The following ANO2 variants were observed in gnomAD, a reference collection of about 807,000 sequenced individuals.
ANO2 encodes the protein anoctamin 2, also known as anoctamin-2.
ANO2 carries 101 observed loss-of-function variants against 124.2 expected under a neutral mutation model. The observed-to-expected ratio is 0.81, with a 90% CI of 0.69 to 0.96. The LOEUF is 0.96. ANO2 is among the 40% of genes least tolerant of loss of function. ANO2 has a pLI of 0.00. For missense variants in ANO2, 1,293 were observed against 1,274.5 expected, an observed-to-expected ratio of 1.01 and a Z score of -0.22; for synonymous variants, 486 against 482.5, an observed-to-expected ratio of 1.01 and a Z score of -0.09.
intron 3 of ANO2, among the ~76,000 whole-genome samples, chr12:5,907,888 G>A (rs1402900028): frequency 2.0e-5 from 3 of 152,232 alleles, no homozygotes; most frequent in South Asian, 2.1e-4. Context: ...CAGTGGGGAA[G>A]GCAGCTCCCA....
chr12:5,715,098 T>C (rs986429232), intron 14 of ANO2, among the ~76,000 whole-genome samples: 1 of 152,132 alleles, frequency 6.6e-6, no homozygotes, highest in African/African-American at 2.4e-5. Flanking sequence ...TGTGTGTACA[T>C]GTTGTAAAGT....
Position 5,806,106 on chromosome 12 carries a change from A to G in ANO2, c.949-13T>C. On this transcript the variant is annotated splice_polypyrimidine_tract_variant and intron_variant, in intron 8 of 24. Coordinates refer to ENST00000682330, the MANE Select transcript of ANO2 (RefSeq NM_001364791.2). The stretch of plus-strand genomic sequence containing the variant: ...TATCGTATTCACCCTGTGGAGAAAA[A>G]GTGATGCTGGATAAAGCCAATGAAA... 3 of 1,612,620 alleles carry G rather than the reference A, an allele frequency of 1.9e-6. No individual in the cohort carries two copies. The South Asian group carries it at 3.3e-5, about 18-fold the overall frequency.
At chr12:5,935,167 T>G (rs1262566322) in intron 1 of ANO2, among the ~76,000 whole-genome samples, 1 of 152,220 alleles carries the variant, frequency 6.6e-6, no homozygotes, top group Non-Finnish European at 1.5e-5. Flanking sequence ...GTATAGACAG[T>G]GAGCTTAATG....
rs145962921 is a variant in ANO2, at chr12:5,925,836, C to T, written c.23-3032G>A. Among the ~76,000 whole-genome samples the T allele has an allele frequency of 4.6e-5, 7 of 152,340 alleles. No homozygotes were observed. The highest frequency in any genetic ancestry group is 7.3e-5 in the Non-Finnish European group (5 of 68,032). ...ACGTCTGGGTTGAGGAGATGGATGT[C>T]GTAAGGCTGGGGCCTGGGCCTTTCT... On this transcript the variant is annotated intron_variant, in intron 1 of 24. Transcript: ENST00000682330. This position sits in a 1 kb window ranked among gnomAD's most constrained non-coding sequence, Gnocchi z 4.6.
chr12:5,919,402 CA>C (rs912826040), intron 3 of ANO2, among the ~76,000 whole-genome samples: 3 of 144,310 alleles, frequency 2.1e-5, no homozygotes, highest in African/African-American at 7.6e-5. Context: ...GGCAATAGCA[CA>C]AAGACCTGAG....
chr12:5,606,202 C>A (rs1565465787), intron 19 of ANO2, among the ~76,000 whole-genome samples: 1 of 152,194 alleles, frequency 6.6e-6, no homozygotes, highest in South Asian at 2.1e-4. Flanking sequence ...CTGTCTGGGG[C>A]ACCTTCCAGA....
At position 5,666,608 on chromosome 12, in the gene ANO2, A is replaced by G. The variant is rs111270091; in HGVS notation, c.1546-18807T>C. On this transcript the variant is annotated intron_variant, in intron 14 of 24. Transcript: ENST00000682330. Reference sequence around the variant, plus strand: ...CGTTACCAAATTTTACCTTGAAAAAATAAAACAGTTTTCAGAACTATGCTC... The same window carrying G: ...CGTTACCAAATTTTACCTTGAAAAAGTAAAACAGTTTTCAGAACTATGCTC... 8.9e-3 allele frequency among the ~76,000 whole-genome samples: 1,356 copies of G among 152,360 alleles called. 10 individuals are homozygous for G. The highest frequency in any genetic ancestry group is 0.014 in the Non-Finnish European group (921 of 68,038).
At chr12:5,667,021 A>T (rs982620380) in intron 14 of ANO2, among the ~76,000 whole-genome samples, 1 of 152,176 alleles carries the variant, frequency 6.6e-6, no homozygotes, top group African/African-American at 2.4e-5. Context: ...CTGGCTGGCA[A>T]TACTCTGAAC....
In ANO2 at chr12:5,622,758, G is replaced by C. The variant is rs186738710; in HGVS notation, c.1817-7461C>G. 8.5e-5 allele frequency among the ~76,000 whole-genome samples: 13 copies of C among 152,258 alleles called. No homozygotes were observed. The East Asian group carries it at 2.5e-3, about 29-fold the overall frequency. Reference sequence around the variant, plus strand: ...GAGGGCAGATCACTTGAGGCCAAGAGTTTGAGACCAGCCTGGCAAACATGG... The same window carrying C: ...GAGGGCAGATCACTTGAGGCCAAGACTTTGAGACCAGCCTGGCAAACATGG... On this transcript the variant is annotated intron_variant, in intron 16 of 24. Transcript: ENST00000682330.
At chr12:5,818,782 G>A (rs1953694401) in intron 7 of ANO2, among the ~76,000 whole-genome samples, 1 of 152,092 alleles carries the variant, frequency 6.6e-6, no homozygotes, top group African/African-American at 2.4e-5. Context: ...GCTCATGACA[G>A]GCAAGGAGAT....
At chr12:5,920,900 A>T in intron 3 of ANO2, 140 bp downstream of exon 3, 5 of 1,047,520 alleles carry the variant, frequency 4.8e-6, no homozygotes, top group Non-Finnish European at 5.4e-6. Flanking sequence ...GAAAGAAACA[A>T]AATCTGGTTT....
At chr12:5,615,932 C>T (rs1301563101) in intron 16 of ANO2, among the ~76,000 whole-genome samples, 1 of 151,968 alleles carries the variant, frequency 6.6e-6, no homozygotes, top group Non-Finnish European at 1.5e-5. Flanking sequence ...CAGCTTGAGC[C>T]TAAGGTTTGA....
chr12:5,907,495 C>G (rs2136288721), intron 3 of ANO2, among the ~76,000 whole-genome samples: 1 of 152,354 alleles, frequency 6.6e-6, no homozygotes, highest in Non-Finnish European at 1.5e-5. Context: ...TGTTAACTCT[C>G]TGTTCATGAA....
chr12:5,722,302 T>C (rs1950262422), intron 14 of ANO2, among the ~76,000 whole-genome samples: 1 of 152,142 alleles, frequency 6.6e-6, no homozygotes, highest in Non-Finnish European at 1.5e-5. Context: ...GTCAGGAGAT[T>C]GAGACCATCC....
At chr12:5,835,789 C>T (rs989680045) in intron 4 of ANO2, among the ~76,000 whole-genome samples, 1 of 152,216 alleles carries the variant, frequency 6.6e-6, no homozygotes, top group African/African-American at 2.4e-5. Flanking sequence ...CAAACCTCTC[C>T]TTCACACACA....
At chr12:5,576,235 T>C (rs3759225) in intron 22 of ANO2, among the ~76,000 whole-genome samples, 27,050 of 152,204 alleles carry the variant, frequency 0.18, 3,067 homozygotes, top group African/African-American at 0.32. Flanking sequence ...AAAGAGCACA[T>C]GTCAACCACT....
intron 10 of ANO2, among the ~76,000 whole-genome samples, chr12:5,779,309 C>T (rs1243923292): frequency 6.6e-6 from 1 of 152,208 alleles, no homozygotes; most frequent in African/African-American, 2.4e-5. Flanking sequence ...CTCCACAACA[C>T]ATACTAATAC....
At chr12:5,930,387 G>A (rs929174097) in intron 1 of ANO2, among the ~76,000 whole-genome samples, 2 of 152,114 alleles carry the variant, frequency 1.3e-5, no homozygotes, top group African/African-American at 4.8e-5. Flanking sequence ...TGATGGTGTG[G>A]GTAATGGGGG....
intron 16 of ANO2, among the ~76,000 whole-genome samples, chr12:5,631,543 A>C (rs960305322): frequency 6.6e-5 from 10 of 152,186 alleles, no homozygotes; most frequent in Admixed American, 5.9e-4. Flanking sequence ...TGTTTCCAGA[A>C]CTGTGCCTGG....
Sources: allele counts gnomAD v4.1 joint callset (sites outside exome capture counted in the v4.1 genomes callset), GRCh38; gene constraint gnomAD v4.1.1; non-coding constraint Gnocchi (gnomAD v3.1); transcripts MANE v1.5; gene names NCBI Gene and HGNC (gene_info 2026-07-23, HGNC 2026-07-21).